Variants in MANBA observed in about 807,000 individuals in gnomAD.
MANBA encodes mannosidase beta.
In MANBA, 83 loss-of-function variants were observed where a neutral mutation model predicts 111.1. That is an observed-to-expected ratio of 0.75 (90% CI 0.63 to 0.90). The LOEUF (loss-of-function observed/expected upper bound fraction) is 0.90. MANBA is among the 40% of genes least tolerant of loss of function. MANBA has a pLI of 0.00. For missense variants in MANBA, 1,036 were observed against 1,069.0 expected (o/e 0.97, Z 0.43); for synonymous variants, 370 against 378.7 (o/e 0.98, Z 0.27).
At chr4:102,644,253 A>G (rs1398428520) in intron 13 of MANBA, among the ~76,000 whole-genome samples, 1 of 152,160 alleles carries the variant, frequency 6.6e-6, no homozygotes, top group Non-Finnish European at 1.5e-5. Flanking sequence ...TAAAAATAGA[A>G]CTACTATATG....
intron 1 of MANBA, among the ~76,000 whole-genome samples, chr4:102,746,802 C>T (rs1027567208): frequency 6.6e-6 from 1 of 152,014 alleles, no homozygotes. Context: ...GAAACCCCGT[C>T]TCTACTAAAA....
intron 1 of MANBA, among the ~76,000 whole-genome samples, chr4:102,742,366 C>T (rs1013034185): frequency 1.3e-5 from 2 of 151,524 alleles, no homozygotes; most frequent in African/African-American, 4.9e-5. Flanking sequence ...GGTACCACTT[C>T]CACTTCCATC....
chr4:102,656,474 G>T (rs997630753), intron 12 of MANBA, among the ~76,000 whole-genome samples: 2 of 152,278 alleles, frequency 1.3e-5, no homozygotes, highest in South Asian at 4.1e-4. Flanking sequence ...ATCCCTTGCT[G>T]GTAGAAATGC....
intron 1 of MANBA, among the ~76,000 whole-genome samples, chr4:102,735,599 T>C (rs1203154979): frequency 6.6e-6 from 1 of 151,902 alleles, no homozygotes; most frequent in Non-Finnish European, 1.5e-5. Flanking sequence ...ACCAACCTAA[T>C]TTGGTTCCAG....
intron 7 of MANBA, among the ~76,000 whole-genome samples, chr4:102,684,690 C>G (rs754094286): frequency 1.3e-5 from 2 of 152,156 alleles, no homozygotes; most frequent in African/African-American, 2.4e-5. Flanking sequence ...GTGCCTGAAA[C>G]TGCAGATAGT....
chr4:102,657,677 C>G lies in MANBA; in HGVS notation c.1704+5G>C. The G allele has an allele frequency of 2.5e-6, 4 of 1,591,948 alleles. No individual in the cohort carries two copies. Among genetic ancestry groups the G allele is most frequent in the Non-Finnish European group, 3.4e-6 (4 of 1,159,916 alleles). ...GAAACATTAGAAAATCAAACGATGA[C>G]TTACCTTTTCTAATGTACTGAAGGA... On this transcript the variant is annotated splice_donor_5th_base_variant and intron_variant, in intron 12 of 16. Transcript: ENST00000647097.
intron 12 of MANBA, 23 bp from the exon 13 acceptor site, chr4:102,650,724 T>G: frequency 1.9e-6 from 3 of 1,600,930 alleles, no homozygotes; most frequent in Non-Finnish European, 2.6e-6. Context: ...GAATAAGAAT[T>G]AGAAATCTGA....
intron 1 of MANBA, among the ~76,000 whole-genome samples, chr4:102,730,872 T>A (rs1010131185): frequency 2.0e-5 from 3 of 152,172 alleles, no homozygotes; most frequent in African/African-American, 7.2e-5. Flanking sequence ...CCTACCCGCT[T>A]CCCGTCAGCT....
chr4:102,701,032 T>C (rs1217081060), intron 5 of MANBA, among the ~76,000 whole-genome samples: 1 of 152,200 alleles, frequency 6.6e-6, no homozygotes, highest in African/African-American at 2.4e-5. Context: ...GCTTTATGAA[T>C]CTGGGTGCTC....
chr4:102,736,908 G>T (rs1723235014), intron 1 of MANBA, among the ~76,000 whole-genome samples: 1 of 152,208 alleles, frequency 6.6e-6, no homozygotes, highest in African/African-American at 2.4e-5. Flanking sequence ...GTGTGAGAGG[G>T]AAAAATGTCT....
intron 1 of MANBA, among the ~76,000 whole-genome samples, chr4:102,735,833 T>C (rs1332253705): frequency 6.6e-6 from 1 of 152,204 alleles, no homozygotes; most frequent in African/African-American, 2.4e-5. Flanking sequence ...ACACGTACAG[T>C]AAATACCATT....
chr4:102,699,922 C>T (rs1452506361), intron 5 of MANBA, among the ~76,000 whole-genome samples: 6 of 151,596 alleles, frequency 4.0e-5, no homozygotes, highest in Non-Finnish European at 8.9e-5. Context: ...GGAATAGTTT[C>T]AGAAGGAATG....
chr4:102,659,865 C>G (rs1180964362), intron 11 of MANBA, among the ~76,000 whole-genome samples: 1 of 152,152 alleles, frequency 6.6e-6, no homozygotes, highest in Non-Finnish European at 1.5e-5. Context: ...CACAATTCTT[C>G]CACATTCCAG....
chr4:102,672,032 G>A (rs1731520902), intron 8 of MANBA: 2 of 398,730 alleles, frequency 5.0e-6, no homozygotes, highest in South Asian at 1.3e-4. Context: ...TGGGCTGAAG[G>A]ACCACAGCCA....
At position 102,760,814 on chromosome 4, in the gene MANBA, G is replaced by T; in HGVS notation, c.81C>A (p.Gly27=). Residue 27 remains glycine (G), a synonymous_variant, in exon 1 of 17, where the codon GGC becomes GGA. Transcript: ENST00000647097. ...CGTTCCCATTGCAGATGCTCCAGTTGCCACGCAAGCTGTAACTGAGCTCCG... is the reference window on the plus strand; with the variant it reads ...CGTTCCCATTGCAGATGCTCCAGTTTCCACGCAAGCTGTAACTGAGCTCCG... The part of the protein sequence containing the change: ...TAAELSYSLR[G]NWSICNGNGS... 1 of 1,563,842 alleles carries T rather than the reference G, an allele frequency of 6.4e-7. No individual in the cohort carries two copies. The highest frequency in any genetic ancestry group is 8.7e-7 in the Non-Finnish European group (1 of 1,154,196).
At chr4:102,722,751 A>T in intron 4 of MANBA, 120 bp downstream of exon 4, 1 of 1,000,816 alleles carries the variant, frequency 1.0e-6, no homozygotes, top group Non-Finnish European at 1.6e-6. Context: ...AACCCCACTA[A>T]GGGATCAGGA....
chr4:102,657,229 G>GGGC (rs1560752411), intron 12 of MANBA, among the ~76,000 whole-genome samples: 1 of 118,780 alleles, frequency 8.4e-6, no homozygotes, highest in Non-Finnish European at 1.8e-5. Flanking sequence ...GGGTGGGGGG[G>GGGC]GGGTGGGCGG....
Position 102,656,101 on chromosome 4 carries a change from A to T in MANBA, c.1704+1581T>A, listed in dbSNP as rs138652061. Among the ~76,000 whole-genome samples, 747 of 152,160 alleles carry T rather than the reference A, an allele frequency of 4.9e-3. 2 individuals are homozygous for T. Among genetic ancestry groups the T allele is most frequent in the Non-Finnish European group, 7.8e-3 (531 of 68,006 alleles). On this transcript the variant is annotated intron_variant, in intron 12 of 16. Transcript: ENST00000647097. The stretch of plus-strand genomic sequence containing the variant: ...AACTCCGTCTCTATAAAAAATACAA[A>T]AATTAGCTGGGTGTGGTGGCACACA...
chr4:102,699,153 CTGTT>C (rs754342567), intron 5 of MANBA, among the ~76,000 whole-genome samples: 1 of 152,072 alleles, frequency 6.6e-6, no homozygotes, highest in Non-Finnish European at 1.5e-5. Context: ...ATTTGGCCCT[CTGTT>C]TGTCTGTTAT....
Sources: allele counts gnomAD v4.1 joint callset (sites outside exome capture counted in the v4.1 genomes callset), GRCh38; gene constraint gnomAD v4.1.1; transcripts MANE v1.5; gene names NCBI Gene and HGNC (gene_info 2026-07-23, HGNC 2026-07-21).